The following ARHGAP5 variants were observed in gnomAD, a reference collection of about 807,000 sequenced individuals.
ARHGAP5 encodes the protein rho GTPase-activating protein 5.
ARHGAP5 carries 23 observed loss-of-function variants against 116.6 expected under a neutral mutation model. That is an observed-to-expected ratio of 0.20 (90% CI 0.14 to 0.28). ARHGAP5 has a LOEUF of 0.28. Among genes scored for constraint, ARHGAP5 ranks in the 10% least tolerant of loss-of-function variants. The pLI, the probability that ARHGAP5 is intolerant of heterozygous loss-of-function variation, is 1.00. For missense variants in ARHGAP5, 1,405 were observed against 1,774.8 expected, an observed-to-expected ratio of 0.79 and a Z score of 3.74; for synonymous variants, 574 against 602.0, an observed-to-expected ratio of 0.95 and a Z score of 0.68.
At chr14:32,116,244 G>T (rs530798396) in intron 2 of ARHGAP5, among the ~76,000 whole-genome samples, 2 of 150,152 alleles carry the variant, frequency 1.3e-5, no homozygotes, top group African/African-American at 4.9e-5. Context: ...CCTAGACCCT[G>T]CGCCACTGCA....
Position 32,146,245 on chromosome 14 carries a change from A to G in ARHGAP5, c.3866-18A>G, listed in dbSNP as rs371195480. 1.9e-6 allele frequency: 3 copies of G among 1,575,292 alleles called. No individual in the cohort carries two copies. The highest frequency in any genetic ancestry group is 1.3e-5 in the African/African-American group (1 of 74,100). ...TATATGTGTTTATTAAAGTATGCATATTTCTTTATTCTCTTAGGGTTATGT... is the reference window on the plus strand; with the variant it reads ...TATATGTGTTTATTAAAGTATGCATGTTTCTTTATTCTCTTAGGGTTATGT... On this transcript the variant is annotated intron_variant, in intron 3 of 6. Transcript: ENST00000345122.
chr14:32,138,791 T>G (rs948727291), intron 3 of ARHGAP5, among the ~76,000 whole-genome samples: 26 of 152,216 alleles, frequency 1.7e-4, no homozygotes, highest in Non-Finnish European at 3.1e-4. Flanking sequence ...GAAAACTGAT[T>G]CTTTCACCAT....
intron 1 of ARHGAP5, 135 bp downstream of exon 1, chr14:32,077,570 C>T: frequency 1.8e-6 from 1 of 546,148 alleles, no homozygotes; most frequent in South Asian, 2.2e-5. Context: ...CCGCGGCCGC[C>T]GAGGGGAGCC....
intron 1 of ARHGAP5, among the ~76,000 whole-genome samples, chr14:32,087,283 GTA>G (rs936463272): frequency 6.6e-6 from 1 of 151,646 alleles, no homozygotes; most frequent in Non-Finnish European, 1.5e-5. Flanking sequence ...TGGATAATTT[GTA>G]TATATATATG....
chr14:32,095,685 G>C (rs1056586590), intron 2 of ARHGAP5, among the ~76,000 whole-genome samples: 18 of 152,178 alleles, frequency 1.2e-4, no homozygotes, highest in African/African-American at 3.6e-4. Flanking sequence ...AAAGTGCTGG[G>C]ATTACAGGCG....
intron 2 of ARHGAP5, among the ~76,000 whole-genome samples, chr14:32,114,622 T>A (rs1879464772): frequency 6.6e-6 from 1 of 152,214 alleles, no homozygotes; most frequent in South Asian, 2.1e-4. Flanking sequence ...TAATCTGCAC[T>A]TAACAGAGTT....
intron 2 of ARHGAP5, among the ~76,000 whole-genome samples, chr14:32,094,783 C>T (rs1878440493): frequency 6.6e-6 from 1 of 152,088 alleles, no homozygotes; most frequent in Non-Finnish European, 1.5e-5. Flanking sequence ...AAAATTGTAA[C>T]AGTTTACAGT....
intron 3 of ARHGAP5, among the ~76,000 whole-genome samples, chr14:32,138,475 G>A (rs1301436418): frequency 1.3e-5 from 2 of 151,996 alleles, no homozygotes; most frequent in Non-Finnish European, 2.9e-5. Flanking sequence ...GTAGCGATGG[G>A]GTTTCACCAT....
chr14:32,148,163 A>ATATCT (rs1555359597), intron 4 of ARHGAP5, among the ~76,000 whole-genome samples: 49 of 147,552 alleles, frequency 3.3e-4, no homozygotes, highest in South Asian at 1.1e-3. Context: ...AAAAAAAAGA[A>ATATCT]ATCTATCTAT....
chr14:32,136,169 G>A (rs555987908), intron 3 of ARHGAP5, among the ~76,000 whole-genome samples: 17 of 152,236 alleles, frequency 1.1e-4, no homozygotes, highest in South Asian at 8.3e-4. Flanking sequence ...CCATTTTAAA[G>A]TATATAATTC....
chr14:32,134,310 A>T (rs550911121), intron 3 of ARHGAP5, among the ~76,000 whole-genome samples: 1 of 152,346 alleles, frequency 6.6e-6, no homozygotes, highest in East Asian at 1.9e-4. Context: ...AACTGAATTT[A>T]TCATAATATA....
rs1470728896 is a variant in ARHGAP5 at position 32,150,045 on chromosome 14, C to T, written c.4075+12C>T. ...ATTGGAAGCAGCAAGTAAGTATAAA[C>T]CTCCTTTTTATGAGAGGGATGATAA... On this transcript the variant is annotated intron_variant, in intron 5 of 6. Coordinates refer to ENST00000345122, the MANE Select transcript of ARHGAP5 (RefSeq NM_001030055.2). The T allele has an allele frequency of 6.4e-7, 1 of 1,561,490 alleles. No homozygotes were observed. Among genetic ancestry groups the T allele is most frequent in the Admixed American group, 2.0e-5 (1 of 49,288 alleles).
intron 1 of ARHGAP5, among the ~76,000 whole-genome samples, chr14:32,083,119 A>G (rs1170519338): frequency 1.3e-5 from 2 of 152,256 alleles, no homozygotes; most frequent in Non-Finnish European, 2.9e-5. Flanking sequence ...AATCTCGTCT[A>G]TTTTTTAAGG....
chr14:32,135,869 A>G (rs1880763426), intron 3 of ARHGAP5, among the ~76,000 whole-genome samples: 1 of 152,250 alleles, frequency 6.6e-6, no homozygotes, highest in Admixed American at 6.5e-5. Flanking sequence ...TTACCAAATG[A>G]TCAAATAATT....
intron 2 of ARHGAP5, among the ~76,000 whole-genome samples, chr14:32,114,219 C>A (rs1462714323): frequency 7.4e-5 from 11 of 149,456 alleles, no homozygotes; most frequent in Non-Finnish European, 1.6e-4. Context: ...CAGAGCTAGA[C>A]TCCGTCTCAA....
chr14:32,148,730 A>T (rs562096872), intron 4 of ARHGAP5, among the ~76,000 whole-genome samples: 4 of 152,236 alleles, frequency 2.6e-5, no homozygotes. Context: ...CAATTTTTTT[A>T]ATGAGCAGAG....
chr14:32,141,183 C>G (rs934031670), intron 3 of ARHGAP5, among the ~76,000 whole-genome samples: 14 of 152,240 alleles, frequency 9.2e-5, no homozygotes, highest in Admixed American at 7.2e-4. Context: ...CTTTTACGTT[C>G]AACATATTGT....
intron 2 of ARHGAP5, among the ~76,000 whole-genome samples, chr14:32,095,748 C>G (rs1878496588): frequency 6.6e-6 from 1 of 152,184 alleles, no homozygotes; most frequent in Admixed American, 6.5e-5. Flanking sequence ...TCTAGACTTA[C>G]AGCACATACT....
At position 32,093,702 on chromosome 14, in the gene ARHGAP5, A is replaced by G; in HGVS notation, c.3033A>G (p.Arg1011=). The G allele has an allele frequency of 3.1e-6, 5 of 1,614,070 alleles. No homozygotes were observed. The highest frequency in any genetic ancestry group is 4.2e-6 in the Non-Finnish European group (5 of 1,179,968). ...CACCTAGTGACCGTTCCAGATATAGATTAGATTTGGAAGGAAATGAGTATC... is the reference window on the plus strand; with the variant it reads ...CACCTAGTGACCGTTCCAGATATAGGTTAGATTTGGAAGGAAATGAGTATC... ...LPTPSDRSRY[R]LDLEGNEYPI... Residue 1011 remains arginine, a synonymous_variant, in exon 2 of 7, where the codon AGA becomes AGG. Transcript: ENST00000345122.
Sources: allele counts gnomAD v4.1 joint callset (sites outside exome capture counted in the v4.1 genomes callset), GRCh38; gene constraint gnomAD v4.1.1; transcripts MANE v1.5; gene names NCBI Gene and HGNC (gene_info 2026-07-23, HGNC 2026-07-21).